The following PAWR variants were observed in gnomAD, a reference collection of about 807,000 sequenced individuals.
The protein encoded by PAWR is PRKC apoptosis WT1 regulator protein.
Under a neutral mutation model 32.0 loss-of-function variants are expected in PAWR, and 23 were observed. The ratio of observed to expected loss-of-function variants is 0.72; its 90% CI spans 0.52 to 1.02. The LOEUF (loss-of-function observed/expected upper bound fraction) is 1.02. PAWR is among the 50% of genes least tolerant of loss of function. PAWR has a pLI of 0.00. For missense variants in PAWR, 457 were observed against 437.7 expected (o/e 1.04, Z -0.39); for synonymous variants, 226 against 187.1 (o/e 1.21, Z -1.70).
At chr12:79,679,859 C>A (rs762390939) in intron 2 of PAWR, among the ~76,000 whole-genome samples, 1 of 152,126 alleles carries the variant, frequency 6.6e-6, no homozygotes, top group African/African-American at 2.4e-5. Context: ...TCTCTGAAAT[C>A]TATTCTTTCT....
rs542920538 is a variant in PAWR, at chr12:79,626,333, C to T, written c.517-5126G>A. 4.6e-3 allele frequency among the ~76,000 whole-genome samples: 683 copies of T among 148,500 alleles called. 5 individuals carry two copies. The highest frequency in any genetic ancestry group is 0.012 in the Admixed American group (185 of 14,962). ...GGAGTGCAGTGGCGTGATCTCGGCT[C>T]ACTGCAAGCTCCGCCTCCCAGGTTC... On this transcript the variant is annotated intron_variant, in intron 2 of 6. Coordinates refer to ENST00000328827, the MANE Select transcript of PAWR (RefSeq NM_002583.4).
In PAWR at chr12:79,610,190, G is replaced by A. The variant is rs190267963; in HGVS notation, c.683+3385C>T. ...CAGAAGCAAAGCTGTAGCTCATACT[G>A]AGGTACCTGGTAGATGTTTGCCAGG... On this transcript the variant is annotated intron_variant, in intron 4 of 6. Transcript: ENST00000328827. Among the ~76,000 whole-genome samples, 6 of 152,360 alleles carry A rather than the reference G, an allele frequency of 3.9e-5. No homozygotes were observed. In the East Asian group the frequency reaches 1.2e-3, roughly 29 times the overall value.
chr12:79,602,482 T>C (rs1488521152), intron 4 of PAWR, among the ~76,000 whole-genome samples: 1 of 152,006 alleles, frequency 6.6e-6, no homozygotes, highest in Non-Finnish European at 1.5e-5. Flanking sequence ...ATGTAAGAGA[T>C]GATGGTGTCC....
At chr12:79,632,330 TATATATATATATATATA>T (rs1875707525) in intron 2 of PAWR, among the ~76,000 whole-genome samples, 1 of 46,544 alleles carries the variant, frequency 2.1e-5, no homozygotes, top group East Asian at 6.7e-4. Context: ...TATATATATA[TATATATATATATATATA>T]TATATATATA....
chr12:79,661,077 G>A (rs1316858407), intron 2 of PAWR, among the ~76,000 whole-genome samples: 1 of 151,500 alleles, frequency 6.6e-6, no homozygotes, highest in Non-Finnish European at 1.5e-5. Flanking sequence ...AGACCAGCCT[G>A]GCCAACAGGG....
chr12:79,624,074 T>C (rs1875161829), intron 2 of PAWR, among the ~76,000 whole-genome samples: 1 of 152,184 alleles, frequency 6.6e-6, no homozygotes, highest in South Asian at 2.1e-4. Flanking sequence ...TCATCACTTA[T>C]TCTCCAGCAT....
intron 2 of PAWR, among the ~76,000 whole-genome samples, chr12:79,638,863 C>T (rs1341415934): frequency 1.5e-3 from 12 of 8,140 alleles, no homozygotes; most frequent in African/African-American, 2.6e-3. Context: ...GAGATGGAGT[C>T]ATATATATAT....
intron 2 of PAWR, among the ~76,000 whole-genome samples, chr12:79,636,755 ACAT>A (rs1171045843): frequency 6.6e-6 from 1 of 152,160 alleles, no homozygotes; most frequent in East Asian, 1.9e-4. Context: ...AAAATCCTTT[ACAT>A]AATACTGACA....
At position 79,635,964 on chromosome 12, in the gene PAWR, T is replaced by C. The variant is rs1238341559; in HGVS notation, c.517-14757A>G. On this transcript the variant is annotated intron_variant, in intron 2 of 6. Coordinates refer to ENST00000328827, the MANE Select transcript of PAWR (RefSeq NM_002583.4). ...TGACTGGACTGTATTACAAAGACAT[T>C]GTGGCTAAACAGGAATTGGGACATG... 2.0e-5 allele frequency among the ~76,000 whole-genome samples: 3 copies of C among 152,084 alleles called. No individual in the cohort carries two copies. The East Asian group carries it at 5.8e-4, about 29-fold the overall frequency.
At chr12:79,639,881 TATTCCATTCCATTCC>T (rs71091678) in intron 2 of PAWR, among the ~76,000 whole-genome samples, 154 of 112,538 alleles carry the variant, frequency 1.4e-3, no homozygotes, top group South Asian at 7.7e-3. Flanking sequence ...TTCCTATTCC[TATTCCATTCCATTCC>T]ATTCCATTCC....
intron 2 of PAWR, among the ~76,000 whole-genome samples, chr12:79,688,048 G>A (rs1878768402): frequency 6.6e-6 from 1 of 152,104 alleles, no homozygotes; most frequent in Non-Finnish European, 1.5e-5. Flanking sequence ...TTAAATTTAG[G>A]AGTTGCCAAC....
At chr12:79,594,700 C>CGTGTGTGT (rs34121968) in intron 5 of PAWR, among the ~76,000 whole-genome samples, 265 of 148,578 alleles carry the variant, frequency 1.8e-3, no homozygotes, top group African/African-American at 5.8e-3. Context: ...GATTTAACCT[C>CGTGTGTGT]GTGTGTGTGT....
intron 2 of PAWR, among the ~76,000 whole-genome samples, chr12:79,654,178 A>G (rs1485285442): frequency 6.6e-6 from 1 of 152,248 alleles, no homozygotes; most frequent in Non-Finnish European, 1.5e-5. Context: ...ATGTTTGGTT[A>G]CATCAAATGA....
chr12:79,665,148 A>G, intron 2 of PAWR, among the ~76,000 whole-genome samples: 1 of 152,208 alleles, frequency 6.6e-6, no homozygotes, highest in Non-Finnish European at 1.5e-5. Flanking sequence ...TTCCCAAAAA[A>G]ATCTGATTTT....
In PAWR at chr12:79,690,097, C is replaced by A; in HGVS notation, c.148G>T (p.Ala50Ser). 1.4e-6 allele frequency: 2 copies of A among 1,463,254 alleles called. No individual in the cohort carries two copies. Among genetic ancestry groups the A allele is most frequent in the Middle Eastern group, 2.1e-4 (1 of 4,736 alleles). The allele number at this position is 1,463,254 out of a possible 1,614,324, so 90.6% of individuals were successfully genotyped here. The change falls in exon 2 of 7, where the codon GCT becomes TCT. Residue 50 changes from alanine (A) to serine (S), a missense_variant. Physicochemically the swap from Ala to Ser is moderately conservative, Grantham distance 99 (BLOSUM62 1). Coordinates refer to ENST00000328827, the MANE Select transcript of PAWR (RefSeq NM_002583.4). ...APPGGGSSDA[A>S]GKPPAGALGT... ...AGAGCCCCCGCGGGGGGCTTCCCAGCGGCGTCGCTGCTGCCCCCTCCCGGG... is the reference window on the plus strand; with the variant it reads ...AGAGCCCCCGCGGGGGGCTTCCCAGAGGCGTCGCTGCTGCCCCCTCCCGGG...
chr12:79,585,302 T>C lies in PAWR; in HGVS notation c.*7305A>G, dbSNP rs1184469105. 3.6e-6 allele frequency: 1 copy of C among 280,760 alleles called. No individual in the cohort carries two copies. The highest frequency in any genetic ancestry group is 6.9e-6 in the Non-Finnish European group (1 of 145,072). 17.4% of individuals were successfully genotyped at this position (280,760 alleles called of 1,614,324 possible). A position where few individuals can be genotyped will look rare whatever the true frequency, so the allele number is the denominator to read the frequency against. ...CTGCATCAAAATTACATGAAGCGCT[T>C]GTTAAAACAGATTGAGCCCCATCTG... On this transcript the variant is annotated 3_prime_UTR_variant, in exon 7 of 7. Coordinates refer to ENST00000328827, the MANE Select transcript of PAWR (RefSeq NM_002583.4).
At chr12:79,680,298 A>G (rs1878378786) in intron 2 of PAWR, among the ~76,000 whole-genome samples, 1 of 152,228 alleles carries the variant, frequency 6.6e-6, no homozygotes, top group African/African-American at 2.4e-5. Context: ...ATACGTTATG[A>G]GCTACACCCA....
At chr12:79,681,888 A>C (rs1878464778) in intron 2 of PAWR, among the ~76,000 whole-genome samples, 1 of 152,184 alleles carries the variant, frequency 6.6e-6, no homozygotes, top group Non-Finnish European at 1.5e-5. Context: ...CCATCTTCTG[A>C]ATGTTAACTC....
chr12:79,660,583 CTT>C (rs754493353), intron 2 of PAWR, among the ~76,000 whole-genome samples: 21 of 135,352 alleles, frequency 1.6e-4, no homozygotes, highest in East Asian at 4.4e-4. Flanking sequence ...TTTCATTGTA[CTT>C]TTTTTTTTTT....
Sources: allele counts gnomAD v4.1 joint callset (sites outside exome capture counted in the v4.1 genomes callset), GRCh38; gene constraint gnomAD v4.1.1; transcripts MANE v1.5; gene names NCBI Gene and HGNC (gene_info 2026-07-23, HGNC 2026-07-21).